TCERG1L: variants seen among roughly 807,000 people sequenced by gnomAD.
TCERG1L encodes the protein transcription elongation regulator 1-like protein.
TCERG1L carries 37 observed loss-of-function variants against 56.3 expected under a neutral mutation model. The ratio of observed to expected loss-of-function variants is 0.66; its 90% CI spans 0.51 to 0.87. The LOEUF is 0.87. Ranked by LOEUF, TCERG1L falls within the 40% of genes least tolerant of loss-of-function variation. The pLI is 0.00. For missense variants in TCERG1L, 799 were observed against 774.2 expected (o/e 1.03, Z -0.38); for synonymous variants, 324 against 326.3 (o/e 0.99, Z 0.08).
chr10:131,174,577 A>C (rs1846127915), intron 4 of TCERG1L, among the ~76,000 whole-genome samples: 1 of 152,198 alleles, frequency 6.6e-6, no homozygotes, highest in African/African-American at 2.4e-5. Flanking sequence ...GAGATCCCAC[A>C]GCACCTCGTT....
At chr10:131,219,102 G>A (rs371959129) in intron 4 of TCERG1L, among the ~76,000 whole-genome samples, 20 of 152,212 alleles carry the variant, frequency 1.3e-4, no homozygotes, top group African/African-American at 3.6e-4. Flanking sequence ...ACTCCTCTCC[G>A]TCCTGGCTCT....
rs117078689 is a variant in TCERG1L at position 131,192,179 on chromosome 10, G to A, written c.857-25294C>T. Among the ~76,000 whole-genome samples the A allele has an allele frequency of 8.9e-3, 1,257 of 141,692 alleles. 139 individuals are homozygous for A. In the South Asian group the frequency reaches 0.1, roughly 12 times the overall value. 93.0% of individuals were successfully genotyped at this position (141,692 alleles called of 152,430 possible). A position where few individuals can be genotyped will look rare whatever the true frequency, so the allele number is the denominator to read the frequency against. Reference sequence around the variant, plus strand: ...TCTATGAGGAACTCAAACCACCAAGGAAAAAACAAAAAATTCCATTAAAAG... The same window carrying A: ...TCTATGAGGAACTCAAACCACCAAGAAAAAAACAAAAAATTCCATTAAAAG... On this transcript the variant is annotated intron_variant, in intron 4 of 11. Transcript: ENST00000368642.
chr10:131,170,489 T>A (rs762569675), intron 4 of TCERG1L, among the ~76,000 whole-genome samples: 1 of 151,490 alleles, frequency 6.6e-6, no homozygotes, highest in Non-Finnish European at 1.5e-5. Context: ...CCTCTATTGA[T>A]CAAACCCAGC....
At chr10:131,308,553 C>G (rs562305682) in intron 2 of TCERG1L, among the ~76,000 whole-genome samples, 162 bp from the exon 3 acceptor site, 1 of 152,270 alleles carries the variant, frequency 6.6e-6, no homozygotes, top group African/African-American at 2.4e-5. Context: ...AGAAGTTCCA[C>G]AGGGCTTCAA....
At chr10:131,265,777 A>C (rs1482849772) in intron 3 of TCERG1L, among the ~76,000 whole-genome samples, 2 of 152,272 alleles carry the variant, frequency 1.3e-5, no homozygotes, top group African/African-American at 4.8e-5. Flanking sequence ...AGCCTTCAGC[A>C]AACTGTAACT....
chr10:131,096,763 C>T (rs771583030), intron 11 of TCERG1L, among the ~76,000 whole-genome samples: 5 of 151,096 alleles, frequency 3.3e-5, no homozygotes, highest in Admixed American at 2.0e-4. Context: ...AAAAATTAGC[C>T]GGGTGTGGTG....
intron 4 of TCERG1L, among the ~76,000 whole-genome samples, chr10:131,240,927 C>T (rs1216729795): frequency 6.6e-6 from 1 of 152,242 alleles, no homozygotes; most frequent in African/African-American, 2.4e-5. Context: ...GGGCCTTTGG[C>T]TCAATCCCAA....
At chr10:131,202,143 G>A (rs971051205) in intron 4 of TCERG1L, among the ~76,000 whole-genome samples, 5 of 152,168 alleles carry the variant, frequency 3.3e-5, no homozygotes, top group East Asian at 3.9e-4. Flanking sequence ...CCAGCTGCAC[G>A]TGAGCCTCCC....
At chr10:131,275,940 T>G (rs1177978385) in intron 3 of TCERG1L, among the ~76,000 whole-genome samples, 2 of 152,036 alleles carry the variant, frequency 1.3e-5, no homozygotes, top group Non-Finnish European at 2.9e-5. Flanking sequence ...GAAGATCCCT[T>G]TGCCTCCCCC....
intron 8 of TCERG1L, among the ~76,000 whole-genome samples, chr10:131,133,173 C>T (rs1389861485): frequency 6.6e-6 from 1 of 152,164 alleles, no homozygotes; most frequent in East Asian, 1.9e-4. Context: ...CTGCTAGGTA[C>T]CCTCAAGCCC....
chr10:131,249,215 G>A (rs191762775), intron 4 of TCERG1L, among the ~76,000 whole-genome samples: 5 of 152,360 alleles, frequency 3.3e-5, no homozygotes, highest in Admixed American at 3.3e-4. Context: ...TTGTGCTACA[G>A]TCCATTGTCT....
chr10:131,150,652 A>C (rs1372017470), intron 6 of TCERG1L, among the ~76,000 whole-genome samples: 2 of 152,198 alleles, frequency 1.3e-5, no homozygotes, highest in African/African-American at 4.8e-5. Flanking sequence ...AGGGACCAGC[A>C]AGAGCTCTGT....
chr10:131,143,147 G>C (rs1250445175), intron 7 of TCERG1L, among the ~76,000 whole-genome samples: 1 of 152,146 alleles, frequency 6.6e-6, no homozygotes, highest in Non-Finnish European at 1.5e-5. Flanking sequence ...TTTTAGCCTC[G>C]TGGTGATAAT....
chr10:131,260,145 G>A lies in TCERG1L; in HGVS notation c.856+114C>T. On this transcript the variant is annotated intron_variant, in intron 4 of 11. Transcript: ENST00000368642. The surrounding 1 kb of genome is among the most constrained non-coding windows in gnomAD (Gnocchi z 5.8). ...CCCAGCCGAATGTTTCCCTCAACCG[G>A]AGCCGGGCTTCAGGTCCCACAGCGC... 1 of 1,236,630 alleles carries A rather than the reference G, an allele frequency of 8.1e-7. No homozygotes were observed. Among genetic ancestry groups the A allele is most frequent in the Non-Finnish European group, 1.0e-6 (1 of 990,472 alleles). 76.6% of individuals were successfully genotyped at this position (1,236,630 alleles called of 1,614,324 possible). A position where few individuals can be genotyped will look rare whatever the true frequency, so the allele number is the denominator to read the frequency against.
chr10:131,100,369 G>A (rs1217846237), intron 10 of TCERG1L, among the ~76,000 whole-genome samples: 1 of 150,674 alleles, frequency 6.6e-6, no homozygotes, highest in Non-Finnish European at 1.5e-5. Flanking sequence ...AGAAATGCCT[G>A]CTTCTCTCTC....
At chr10:131,283,823 C>G (rs952334361) in intron 3 of TCERG1L, among the ~76,000 whole-genome samples, 2 of 152,018 alleles carry the variant, frequency 1.3e-5, no homozygotes, top group African/African-American at 4.8e-5. Flanking sequence ...GCATACAGAG[C>G]AAAGAGATAA....
intron 8 of TCERG1L, among the ~76,000 whole-genome samples, chr10:131,131,700 A>G (rs1006564390): frequency 6.6e-6 from 1 of 152,240 alleles, no homozygotes; most frequent in African/African-American, 2.4e-5. Flanking sequence ...CAGGGTTCAC[A>G]AGAAATGTGG....
chr10:131,270,669 CCTT>C (rs1846330916), intron 3 of TCERG1L, among the ~76,000 whole-genome samples: 1 of 152,212 alleles, frequency 6.6e-6, no homozygotes, highest in African/African-American at 2.4e-5. Context: ...GCCACTCCTA[CCTT>C]CTTCTCTGAT....
chr10:131,201,117 A>T (rs1347854869), intron 4 of TCERG1L, among the ~76,000 whole-genome samples: 1 of 152,200 alleles, frequency 6.6e-6, no homozygotes, highest in African/African-American at 2.4e-5. Context: ...AACACATGAA[A>T]CGTGGAGGGG....
Sources: gnomAD v4.1 joint callset for allele counts (sites outside exome capture counted in the v4.1 genomes callset) on GRCh38, gnomAD v4.1.1 for gene constraint, Gnocchi (gnomAD v3.1) non-coding constraint, MANE v1.5 for transcripts, NCBI Gene and HGNC (gene_info 2026-07-23, HGNC 2026-07-21) for gene names.